Variants in ABRAXAS1 observed in about 807,000 individuals in gnomAD.
The protein encoded by ABRAXAS1 is abraxas 1, BRCA1 A complex subunit.
ABRAXAS1 carries 26 observed loss-of-function variants against 38.4 expected under a neutral mutation model. The ratio of observed to expected loss-of-function variants is 0.68; its 90% CI spans 0.50 to 0.94. The LOEUF is 0.94. Among genes scored for constraint, ABRAXAS1 ranks in the 40% least tolerant of loss-of-function variants. ABRAXAS1 has a pLI of 0.00. For missense variants in ABRAXAS1, 438 were observed against 481.9 expected (o/e 0.91, Z 0.85); for synonymous variants, 144 against 165.5 (o/e 0.87, Z 1.00).
intron 1 of ABRAXAS1, among the ~76,000 whole-genome samples, chr4:83,483,437 C>T (rs1344010347): frequency 5.9e-5 from 9 of 152,020 alleles, no homozygotes; most frequent in Non-Finnish European, 2.9e-5. Flanking sequence ...CGTGCCACCA[C>T]GCCGGGCTAA....
chr4:83,467,414 C>CT, intron 7 of ABRAXAS1, 40 bp downstream of exon 7: 1 of 1,087,224 alleles, frequency 9.2e-7, no homozygotes, highest in Non-Finnish European at 1.4e-6. Context: ...GATATGAACT[C>CT]TATCTAGAAG....
chr4:83,472,606 G>A (rs890639330), intron 3 of ABRAXAS1, among the ~76,000 whole-genome samples: 2 of 152,018 alleles, frequency 1.3e-5, no homozygotes, highest in Admixed American at 6.6e-5. Flanking sequence ...TCACATAACC[G>A]GTTCACAATT....
rs1485472026 is a variant in ABRAXAS1 at position 83,485,073 on chromosome 4, G to A, written c.-1C>T. The A allele has an allele frequency of 1.2e-5, 19 of 1,586,348 alleles. No individual in the cohort carries two copies. In the South Asian group the frequency reaches 1.8e-4, roughly 15 times the overall value. On this transcript the variant is annotated 5_prime_UTR_variant, in exon 1 of 9. Transcript: ENST00000321945. ...CCGCCGACGTACTCTCCCCCTCCATGCTACCGCCGCCTCAGGCTACACAAG... is the reference window on the plus strand; with the variant it reads ...CCGCCGACGTACTCTCCCCCTCCATACTACCGCCGCCTCAGGCTACACAAG...
At chr4:83,483,973 T>C in intron 1 of ABRAXAS1, 1 of 949,856 alleles carries the variant, frequency 1.1e-6, no homozygotes, top group Non-Finnish European at 1.3e-6. Flanking sequence ...TTATCTGAAA[T>C]TGTATACATA....
chr4:83,477,561 T>C, intron 2 of ABRAXAS1: 1 of 479,174 alleles, frequency 2.1e-6, no homozygotes, highest in Non-Finnish European at 4.1e-6. Context: ...ATGTCTCGTC[T>C]GAACTGGAAA....
intron 1 of ABRAXAS1, among the ~76,000 whole-genome samples, chr4:83,482,647 G>A (rs1175552106): frequency 6.6e-6 from 1 of 152,182 alleles, no homozygotes; most frequent in Non-Finnish European, 1.5e-5. Context: ...AGTGAGCTAT[G>A]ATCACGCCAC....
chr4:83,470,909 T>C (rs1316666495), intron 4 of ABRAXAS1, among the ~76,000 whole-genome samples: 1 of 152,212 alleles, frequency 6.6e-6, no homozygotes, highest in East Asian at 1.9e-4. Flanking sequence ...AAGGATTTTG[T>C]AAACTACAAC....
chr4:83,470,448 C>T (rs1722538343), intron 4 of ABRAXAS1, 52 bp from the exon 5 acceptor site: 1 of 1,246,464 alleles, frequency 8.0e-7, no homozygotes, highest in African/African-American at 1.5e-5. Flanking sequence ...AATGATATGT[C>T]TTACTATTAT....
chr4:83,482,464 A>C (rs1256459811), intron 1 of ABRAXAS1, among the ~76,000 whole-genome samples: 1 of 152,240 alleles, frequency 6.6e-6, no homozygotes, highest in Non-Finnish European at 1.5e-5. Context: ...TAATCCTAGC[A>C]CTGGGAGGCC....
intron 7 of ABRAXAS1, 183 bp downstream of exon 7, chr4:83,467,269 GTA>G (rs928818132): frequency 2.9e-5 from 14 of 490,162 alleles, no homozygotes; most frequent in African/African-American, 2.6e-4. Context: ...GTTTGTGTAA[GTA>G]TATGTTTGCA....
chr4:83,484,905 A>T, intron 1 of ABRAXAS1, 81 bp downstream of exon 1: 1 of 1,207,252 alleles, frequency 8.3e-7, no homozygotes, highest in Middle Eastern at 2.8e-4. Context: ...GCGGGCGGGG[A>T]CCGGAGCAAC....
intron 2 of ABRAXAS1, chr4:83,479,540 C>T (rs967398449): frequency 1.3e-5 from 2 of 151,716 alleles, no homozygotes; most frequent in Non-Finnish European, 2.9e-5. Context: ...ATACACTCAA[C>T]AGCACAAAGA....
At chr4:83,480,264 C>A (rs1407853740) in intron 2 of ABRAXAS1, 2 of 324,580 alleles carry the variant, frequency 6.2e-6, no homozygotes, top group South Asian at 4.5e-5. Flanking sequence ...CCCAGCTACT[C>A]CGGAGGCCGA....
In ABRAXAS1 at chr4:83,460,639, C is replaced by T. The variant is rs865809205; in HGVS notation, c.*1830G>A. 12 of 242,308 alleles carry T rather than the reference C, an allele frequency of 5.0e-5. No homozygotes were observed. Among genetic ancestry groups the T allele is most frequent in the Middle Eastern group, 1.5e-3 (1 of 664 alleles). 15.0% of individuals were successfully genotyped at this position (242,308 alleles called of 1,614,324 possible). On this transcript the variant is annotated 3_prime_UTR_variant, in exon 9 of 9. Transcript: ENST00000321945. ...CTTGTTGAGGCTGGGCATGTTGGCT[C>T]ACACCTGTAATCCCAGCACTTTGGG...
intron 1 of ABRAXAS1, 121 bp downstream of exon 1, chr4:83,484,865 G>A (rs1723125538): frequency 5.2e-6 from 4 of 771,632 alleles, no homozygotes; most frequent in Non-Finnish European, 7.8e-6. Context: ...AGCCGCGACC[G>A]CAGGGAGGAG....
intron 8 of ABRAXAS1, 68 bp downstream of exon 8, chr4:83,463,426 C>G: frequency 8.7e-7 from 1 of 1,153,228 alleles, no homozygotes; most frequent in African/African-American, 1.6e-5. Flanking sequence ...GAGCGAGACT[C>G]CGTCTCAAAA....
At chr4:83,474,144 AAAATAAAT>A (rs71668653) in intron 3 of ABRAXAS1, among the ~76,000 whole-genome samples, 85 of 142,022 alleles carry the variant, frequency 6.0e-4, no homozygotes, top group Admixed American at 9.3e-4. Context: ...CCTTGTCTAA[AAAATAAAT>A]AAATAAATAA....
intron 4 of ABRAXAS1, among the ~76,000 whole-genome samples, chr4:83,471,804 A>G (rs1722600176): frequency 6.6e-6 from 1 of 152,094 alleles, no homozygotes; most frequent in Non-Finnish European, 1.5e-5. Context: ...CAGGAGGTGC[A>G]CGATGTAGTC....
At position 83,472,536 on chromosome 4, in the gene ABRAXAS1, C is replaced by T. The variant is rs142083688; in HGVS notation, c.216-248G>A. Reference sequence around the variant, plus strand: ...AACTTAAGAGACAAGTTTTGGGAATCGTTTTTTTTGAACCTAAAACAGTAA... The same window carrying T: ...AACTTAAGAGACAAGTTTTGGGAATTGTTTTTTTTGAACCTAAAACAGTAA... On this transcript the variant is annotated intron_variant, in intron 3 of 8. Transcript: ENST00000321945. 9.9e-5 allele frequency among the ~76,000 whole-genome samples: 15 copies of T among 152,092 alleles called. No individual in the cohort carries two copies. In the East Asian group the frequency reaches 2.7e-3, roughly 27 times the overall value.
Sources: allele counts gnomAD v4.1 joint callset (sites outside exome capture counted in the v4.1 genomes callset), GRCh38; gene constraint gnomAD v4.1.1; transcripts MANE v1.5; gene names NCBI Gene and HGNC (gene_info 2026-07-23, HGNC 2026-07-21).